Variants in TCP11L2 observed in about 807,000 individuals in gnomAD.
TCP11L2 encodes t-complex 11 like 2, also known as T-complex protein 11-like protein 2.
A neutral mutation model predicts 50.7 loss-of-function variants in TCP11L2; 39 were observed. The observed-to-expected ratio is 0.77, with a 90% confidence interval of 0.60 to 1.01. The LOEUF (loss-of-function observed/expected upper bound fraction) is 1.01. Among genes scored for constraint, TCP11L2 ranks in the 50% least tolerant of loss-of-function variants. The pLI, the probability that TCP11L2 is intolerant of heterozygous loss-of-function variation, is 0.00. For synonymous variants in TCP11L2, 192 were observed against 219.3 expected (o/e 0.88, Z 1.10); for missense variants, 612 against 614.7 (o/e 1.00, Z 0.05).
intron 1 of TCP11L2, among the ~76,000 whole-genome samples, chr12:106,306,823 T>A (rs1358205659): frequency 6.6e-6 from 1 of 152,180 alleles, no homozygotes; most frequent in African/African-American, 2.4e-5. Context: ...CTGTTTCTAG[T>A]CAGTAAATAA....
At chr12:106,302,352 A>G (rs1296064064), upstream of TCP11L2, among the ~76,000 whole-genome samples, 1 of 18,328 alleles carries the variant, frequency 5.5e-5, no homozygotes, top group African/African-American at 2.6e-4. Flanking sequence ...GCCCCCGCTC[A>G]GCCCCCGCTC....
intron 4 of TCP11L2, among the ~76,000 whole-genome samples, chr12:106,318,733 C>T (rs867072218): frequency 1.1e-4 from 16 of 152,230 alleles, no homozygotes; most frequent in Middle Eastern, 3.4e-3. Context: ...TGTTTTGAGA[C>T]GGAGTCTCGC....
At chr12:106,345,470 C>T (rs946831001) in intron 9 of TCP11L2, among the ~76,000 whole-genome samples, 1 of 152,152 alleles carries the variant, frequency 6.6e-6, no homozygotes, top group Non-Finnish European at 1.5e-5. Flanking sequence ...CAAGAGAAAG[C>T]AGAAATATGG....
At position 106,321,492 on chromosome 12, in the gene TCP11L2, C is replaced by G; in HGVS notation, c.421C>G (p.Leu141Val). The G allele has an allele frequency of 6.2e-7, 1 of 1,612,936 alleles. No individual in the cohort carries two copies. Among genetic ancestry groups the G allele is most frequent in the Non-Finnish European group, 8.5e-7 (1 of 1,179,286 alleles). The change falls in exon 5 of 10, where the codon CTC becomes GTC. Residue 141 changes from leucine (L) to valine (V), a missense_variant. By Grantham distance (32) the Leu-to-Val change is conservative. Transcript: ENST00000299045. ...KLFEEIREILLSFLTPGGNRL... is the reference protein window; with the variant it reads ...KLFEEIREILVSFLTPGGNRL... ...TTTATTTCTTTCCCTGTAGATTCTTCTCTCTTTTCTCACTCCCGGTGGCAA... is the reference window on the plus strand; with the variant it reads ...TTTATTTCTTTCCCTGTAGATTCTTGTCTCTTTTCTCACTCCCGGTGGCAA...
chr12:106,304,163 C>T (rs1213078955), intron 1 of TCP11L2: 2 of 152,406 alleles, frequency 1.3e-5, no homozygotes, highest in Non-Finnish European at 2.9e-5. Flanking sequence ...CGAAGATACC[C>T]AGTCATGTGT....
intron 6 of TCP11L2, chr12:106,329,236 C>G (rs753633707): frequency 3.4e-6 from 5 of 1,457,936 alleles, no homozygotes; most frequent in Non-Finnish European, 4.6e-6. Context: ...CTTTAAATCC[C>G]CAGTACTTGG....
chr12:106,336,116 A>T lies in TCP11L2; in HGVS notation c.1045A>T (p.Thr349Ser), dbSNP rs1297137490. ...AATTATTGCCTGCCTGTCCCTAATT[A>T]CCAACAACATGGTGGGTGCTATTAC... The part of the protein sequence containing the change: ...LKIIACLSLI[T>S]NNMVGAITGG... The change falls in exon 8 of 10, where the codon ACC becomes TCC. Residue 349 changes from threonine (T) to serine (S), a missense_variant. Thr to Ser is a moderately conservative substitution (Grantham distance 58, BLOSUM62 1). Coordinates refer to ENST00000299045, the MANE Select transcript of TCP11L2 (RefSeq NM_152772.3). The T allele has an allele frequency of 6.2e-7, 1 of 1,614,020 alleles. No individual in the cohort carries two copies. Among genetic ancestry groups the T allele is most frequent in the Non-Finnish European group, 8.5e-7 (1 of 1,180,016 alleles).
At chr12:106,299,559 C>T (rs1427201842), upstream of TCP11L2, among the ~76,000 whole-genome samples, 1 of 152,154 alleles carries the variant, frequency 6.6e-6, no homozygotes, top group Non-Finnish European at 1.5e-5. Flanking sequence ...AGGGCTCTTC[C>T]AAGGGTGGGG....
intron 1 of TCP11L2, among the ~76,000 whole-genome samples, chr12:106,306,130 T>C (rs907274637): frequency 6.6e-6 from 1 of 152,248 alleles, no homozygotes. Flanking sequence ...GTATTTAAGC[T>C]ATCACAGCAG....
chr12:106,305,319 C>G (rs927624102), intron 1 of TCP11L2, among the ~76,000 whole-genome samples: 3 of 151,994 alleles, frequency 2.0e-5, no homozygotes, highest in Non-Finnish European at 4.4e-5. Context: ...ATAATAAGCA[C>G]TCAATTACTG....
At chr12:106,330,767 C>G (rs2035720492) in intron 6 of TCP11L2, among the ~76,000 whole-genome samples, 1 of 152,086 alleles carries the variant, frequency 6.6e-6, no homozygotes, top group Non-Finnish European at 1.5e-5. Context: ...GCCTTCTTTC[C>G]ATTGTCTAGA....
At chr12:106,330,065 A>C (rs2035693590) in intron 6 of TCP11L2, 1 of 985,288 alleles carries the variant, frequency 1.0e-6, no homozygotes, top group African/African-American at 1.7e-5. Flanking sequence ...AATTCTACCA[A>C]ATGTATAATT....
chr12:106,332,856 G>A (rs999383718), intron 6 of TCP11L2, among the ~76,000 whole-genome samples: 1 of 152,170 alleles, frequency 6.6e-6, no homozygotes, highest in East Asian at 1.9e-4. Context: ...AGGGCTTCAT[G>A]ATAGAAATTT....
intron 2 of TCP11L2, chr12:106,312,281 T>C: frequency 2.5e-6 from 1 of 394,188 alleles, no homozygotes; most frequent in Non-Finnish European, 4.6e-6. Context: ...TTTTTTTTGC[T>C]GTTATAAATA....
At chr12:106,335,534 T>A (rs2035886308) in intron 6 of TCP11L2, 105 bp from the exon 7 acceptor site, 2 of 1,162,158 alleles carry the variant, frequency 1.7e-6, no homozygotes, top group Non-Finnish European at 2.5e-6. Flanking sequence ...CATGGCTGTG[T>A]CTTCTCATTC....
chr12:106,340,765 A>T, intron 8 of TCP11L2, 61 bp from the exon 9 acceptor site: 2 of 1,425,358 alleles, frequency 1.4e-6, no homozygotes, highest in Non-Finnish European at 1.9e-6. Flanking sequence ...TCTGTATATT[A>T]AAAATAATAA....
intron 6 of TCP11L2, among the ~76,000 whole-genome samples, chr12:106,333,125 CTG>C (rs2035798961): frequency 6.6e-6 from 1 of 152,146 alleles, no homozygotes. Flanking sequence ...CATGCAAAAA[CTG>C]GTAAAATCAG....
At chr12:106,306,077 C>G (rs191957289) in intron 1 of TCP11L2, among the ~76,000 whole-genome samples, 2 of 152,176 alleles carry the variant, frequency 1.3e-5, no homozygotes. Flanking sequence ...AGAAGGACAT[C>G]AGGACAAGTT....
At chr12:106,303,645 T>TG (rs1214945427) in intron 1 of TCP11L2, 1 of 152,242 alleles carries the variant, frequency 6.6e-6, no homozygotes, top group Non-Finnish European at 1.5e-5. Flanking sequence ...GTGGCACCAC[T>TG]GGGGGTAATA....
Sources: gnomAD v4.1 joint callset for allele counts (sites outside exome capture counted in the v4.1 genomes callset) on GRCh38, gnomAD v4.1.1 for gene constraint, MANE v1.5 for transcripts, NCBI Gene and HGNC (gene_info 2026-07-23, HGNC 2026-07-21) for gene names.